Variants in ANXA13 observed in about 807,000 individuals in gnomAD.
The protein encoded by ANXA13 is annexin A13.
A neutral mutation model predicts 46.6 loss-of-function variants in ANXA13; 36 were observed. The ratio of observed to expected loss-of-function variants is 0.77; its 90% CI spans 0.59 to 1.02. The LOEUF (loss-of-function observed/expected upper bound fraction) is 1.02, where lower values mean the gene tolerates loss of function less well. Among genes scored for constraint, ANXA13 ranks in the 50% least tolerant of loss-of-function variants. ANXA13 has a pLI of 0.00. For missense variants in ANXA13, 417 were observed against 396.5 expected, an observed-to-expected ratio of 1.05 and a Z score of -0.44; for synonymous variants, 163 against 152.9, an observed-to-expected ratio of 1.07 and a Z score of -0.49.
chr8:123,730,226 A>G (rs1192902095), intron 1 of ANXA13, among the ~76,000 whole-genome samples: 1 of 152,162 alleles, frequency 6.6e-6, no homozygotes, highest in East Asian at 1.9e-4. Context: ...AGCATGGTCT[A>G]GCTAAAAGCA....
chr8:123,726,116 A>G (rs1813985836), intron 1 of ANXA13, among the ~76,000 whole-genome samples: 1 of 152,262 alleles, frequency 6.6e-6, no homozygotes, highest in Admixed American at 6.5e-5. Context: ...ATTTGCTTGC[A>G]TATGTTGACT....
chr8:123,690,045 T>C lies in ANXA13; in HGVS notation c.643-1099A>G, dbSNP rs924143167. 4.6e-5 allele frequency among the ~76,000 whole-genome samples: 7 copies of C among 152,144 alleles called. No individual in the cohort carries two copies. Among genetic ancestry groups the C allele is most frequent in the Admixed American group, 2.0e-4 (3 of 15,270 alleles). ...ATCTGGAGGCCTTGGTGTGTGGCAA[T>C]AGAAACCAGATTAGAAGAGTGGGGG... On this transcript the variant is annotated intron_variant, in intron 8 of 10. Coordinates refer to ENST00000419625, the MANE Select transcript of ANXA13 (RefSeq NM_004306.4). The surrounding 1 kb of genome is among the most constrained non-coding windows in gnomAD (Gnocchi z 4.6).
At position 123,681,261 on chromosome 8, in the gene ANXA13, C is replaced by G. The variant is rs933954044; in HGVS notation, c.930G>C (p.Leu310=). The part of the protein sequence containing the change: ...RSDTSGDFRK[L]LVALLH Reference sequence around the variant, plus strand: ...TGGCTCAGTGCAAGAGGGCTACTAGCAGTTTCCGGAAGTCCCCGGAGGTAT... The same window carrying G: ...TGGCTCAGTGCAAGAGGGCTACTAGGAGTTTCCGGAAGTCCCCGGAGGTAT... The change falls in exon 11 of 11, where the codon CTG becomes CTC. Residue 310 remains leucine, a synonymous_variant. Transcript: ENST00000419625. 2 of 1,613,786 alleles carry G rather than the reference C, an allele frequency of 1.2e-6. No individual in the cohort carries two copies. Among genetic ancestry groups the G allele is most frequent in the Non-Finnish European group, 8.5e-7 (1 of 1,179,884 alleles).
chr8:123,702,568 C>T, intron 3 of ANXA13, 74 bp downstream of exon 3: 1 of 1,177,632 alleles, frequency 8.5e-7, no homozygotes, highest in Non-Finnish European at 1.3e-6. Context: ...TTCTGCGTGG[C>T]CTGGGGACAT....
At chr8:123,682,717 G>T (rs1486968069) in intron 10 of ANXA13, among the ~76,000 whole-genome samples, 1 of 152,138 alleles carries the variant, frequency 6.6e-6, no homozygotes, top group Non-Finnish European at 1.5e-5. Flanking sequence ...GACACGGGCA[G>T]GAAGGTGGAG....
intron 9 of ANXA13, among the ~76,000 whole-genome samples, chr8:123,685,945 T>A (rs1335892847): frequency 6.6e-6 from 1 of 152,192 alleles, no homozygotes; most frequent in Non-Finnish European, 1.5e-5. Flanking sequence ...CTGAAAATCC[T>A]CTTCCATACA....
In ANXA13 at chr8:123,715,108, T is replaced by C. The variant is rs147151795; in HGVS notation, c.16-2355A>G. Among the ~76,000 whole-genome samples the C allele has an allele frequency of 1.2e-4, 18 of 152,350 alleles. No homozygotes were observed. In the East Asian group the frequency reaches 3.5e-3, roughly 29 times the overall value. ...TCTTTTGTGAGATGTAAGAAAGCTA[T>C]TTGGTGCTTTTGTAGGCTTGTTGGC... On this transcript the variant is annotated intron_variant, in intron 1 of 10. Coordinates refer to ENST00000419625, the MANE Select transcript of ANXA13 (RefSeq NM_004306.4).
At chr8:123,709,107 G>A (rs1263476919) in intron 2 of ANXA13, among the ~76,000 whole-genome samples, 1 of 152,164 alleles carries the variant, frequency 6.6e-6, no homozygotes, top group Non-Finnish European at 1.5e-5. Context: ...GGAGAACAAG[G>A]GCGCGCCTAC....
intron 9 of ANXA13, 66 bp downstream of exon 9, chr8:123,688,805 A>G: frequency 1.4e-6 from 2 of 1,425,678 alleles, no homozygotes; most frequent in Non-Finnish European, 2.0e-6. Context: ...CTACACACAA[A>G]CCTCTGTCTG....
In ANXA13 at chr8:123,684,721, C is replaced by T. The variant is rs1274585140; in HGVS notation, c.720G>A (p.Val240=). Residue 240 remains valine (V), a splice_region_variant and synonymous_variant, in exon 10 of 11, where the codon GTG becomes GTA. Transcript: ENST00000419625. ...GDLQKAYLTL[V]RCAQDCEDYF... is the part of the protein sequence containing the mutation. ...AGTCCTCACAATCCTGGGCACATCT[C>T]ACTGGGCAGGACAAAGGAAAAGAGA... 4.4e-6 allele frequency: 7 copies of T among 1,606,694 alleles called. No individual in the cohort carries two copies. The South Asian group carries it at 7.7e-5, about 18-fold the overall frequency.
chr8:123,737,124 G>A (rs555159746), intron 1 of ANXA13, among the ~76,000 whole-genome samples, 196 bp downstream of exon 1: 1 of 151,806 alleles, frequency 6.6e-6, no homozygotes, highest in Non-Finnish European at 1.5e-5. Flanking sequence ...GCCTTGCAAA[G>A]TGCTGGGAGT....
intron 1 of ANXA13, among the ~76,000 whole-genome samples, chr8:123,723,632 T>C (rs1286186586): frequency 1.3e-5 from 2 of 152,174 alleles, no homozygotes; most frequent in African/African-American, 2.4e-5. Context: ...CCACGGAAAT[T>C]GGCAAGCACC....
intron 6 of ANXA13, among the ~76,000 whole-genome samples, chr8:123,694,535 T>C (rs7824593): frequency 0.072 from 10,888 of 152,172 alleles, 402 homozygotes; most frequent in African/African-American, 0.094. Flanking sequence ...TAGGAGCTGA[T>C]AGTAGCTTCT....
intron 10 of ANXA13, among the ~76,000 whole-genome samples, chr8:123,683,295 G>C (rs1265164610): frequency 6.6e-6 from 1 of 152,068 alleles, no homozygotes; most frequent in East Asian, 1.9e-4. Context: ...AAATAAAAAA[G>C]CAAGAACCAT....
chr8:123,720,684 G>GTGTGTGTGTGTGTGTGTT (rs1358504083), intron 1 of ANXA13, among the ~76,000 whole-genome samples: 1 of 151,682 alleles, frequency 6.6e-6, no homozygotes, highest in African/African-American at 2.4e-5. Context: ...GTGTGTGTGT[G>GTGTGTGTGTGTGTGTGTT]TGTGTGTGTG....
chr8:123,719,905 G>T (rs995068616), intron 1 of ANXA13, among the ~76,000 whole-genome samples: 2 of 152,168 alleles, frequency 1.3e-5, no homozygotes, highest in Non-Finnish European at 2.9e-5. Flanking sequence ...TGCATGGGGT[G>T]GTGTGCGGTG....
At chr8:123,698,273 C>A in intron 4 of ANXA13, 116 bp downstream of exon 4, 2 of 1,164,468 alleles carry the variant, frequency 1.7e-6, no homozygotes, top group South Asian at 1.5e-5. Flanking sequence ...CATATGTCTC[C>A]CCAGACACCT....
intron 1 of ANXA13, among the ~76,000 whole-genome samples, chr8:123,713,134 T>C (rs1813692551): frequency 6.6e-6 from 1 of 152,232 alleles, no homozygotes. Context: ...GACACAGCTA[T>C]GTCTAAGGAA....
In ANXA13 at chr8:123,690,890, G is replaced by T. The variant is rs1184363073; in HGVS notation, c.643-1944C>A. ...TGGCGTGGAATAAGGAACATGTACA[G>T]GGGAGGGGCAAAGGGTGAGGCACGC... On this transcript the variant is annotated intron_variant, in intron 8 of 10. Transcript: ENST00000419625. This position sits in a 1 kb window ranked among gnomAD's most constrained non-coding sequence, Gnocchi z 4.6. Among the ~76,000 whole-genome samples the T allele has an allele frequency of 2.0e-5, 3 of 152,216 alleles. No individual in the cohort carries two copies. The highest frequency in any genetic ancestry group is 1.9e-4 in the East Asian group (1 of 5,190).
Sources: allele counts gnomAD v4.1 joint callset (sites outside exome capture counted in the v4.1 genomes callset), GRCh38; gene constraint gnomAD v4.1.1; non-coding constraint Gnocchi (gnomAD v3.1); transcripts MANE v1.5; gene names NCBI Gene and HGNC (gene_info 2026-07-23, HGNC 2026-07-21).